ROBO1: variants seen among roughly 807,000 people sequenced by gnomAD.
ROBO1 encodes the protein roundabout homolog 1.
Under a neutral mutation model 195.9 loss-of-function variants are expected in ROBO1, and 149 were observed. That is an observed-to-expected ratio of 0.76 (90% CI 0.67 to 0.87). The LOEUF is 0.87. Ranked by LOEUF, ROBO1 falls within the 40% of genes least tolerant of loss-of-function variation. The pLI, the probability that ROBO1 is intolerant of heterozygous loss-of-function variation, is 0.00. For synonymous variants in ROBO1, 816 were observed against 733.2 expected (o/e 1.11, Z -1.82); for missense variants, 1,933 against 2,068.3 (o/e 0.93, Z 1.27).
At chr3:78,951,245 C>T (rs886583812) in intron 3 of ROBO1, among the ~76,000 whole-genome samples, 7 of 151,506 alleles carry the variant, frequency 4.6e-5, no homozygotes, top group African/African-American at 1.7e-4. Flanking sequence ...TGGTGTCTAC[C>T]TTCACTCTGT....
intron 2 of ROBO1, among the ~76,000 whole-genome samples, chr3:79,318,757 A>G (rs552435729): frequency 1.3e-5 from 2 of 152,302 alleles, no homozygotes; most frequent in Admixed American, 1.3e-4. Flanking sequence ...AATATACACA[A>G]ATGTATATAG....
chr3:78,786,443 ATTATT>A (rs912749371), intron 4 of ROBO1, among the ~76,000 whole-genome samples: 6 of 152,124 alleles, frequency 3.9e-5, no homozygotes, highest in African/African-American at 1.4e-4. Flanking sequence ...ATTTCAGATT[ATTATT>A]TTATTTAATC....
intron 2 of ROBO1, among the ~76,000 whole-genome samples, chr3:79,561,388 C>A (rs552325685): frequency 3.9e-5 from 6 of 152,238 alleles, no homozygotes; most frequent in Non-Finnish European, 7.4e-5. Context: ...GGAGCATGGG[C>A]AAGATGTTCT....
At chr3:79,029,903 T>G (rs2078263502) in intron 3 of ROBO1, among the ~76,000 whole-genome samples, 1 of 152,318 alleles carries the variant, frequency 6.6e-6, no homozygotes, top group East Asian at 1.9e-4. Flanking sequence ...CTGTCTCTTC[T>G]GTACATCTTG....
At chr3:78,812,722 A>G (rs2084779332) in intron 4 of ROBO1, among the ~76,000 whole-genome samples, 1 of 152,122 alleles carries the variant, frequency 6.6e-6, no homozygotes, top group Non-Finnish European at 1.5e-5. Flanking sequence ...CCCAGCACCT[A>G]GAATAGTGAC....
At chr3:78,643,570 C>T (rs1008730455) in intron 21 of ROBO1, among the ~76,000 whole-genome samples, 1 of 152,176 alleles carries the variant, frequency 6.6e-6, no homozygotes, top group East Asian at 1.9e-4. Context: ...TGGGGTGACA[C>T]AGTGGATTGT....
intron 1 of ROBO1, among the ~76,000 whole-genome samples, chr3:79,692,561 A>C (rs533653484): frequency 6.6e-6 from 1 of 151,930 alleles, no homozygotes; most frequent in South Asian, 2.1e-4. Flanking sequence ...TTCCAAAAGA[A>C]AGACACAGGA....
chr3:79,529,326 A>C (rs1293137677), intron 2 of ROBO1, among the ~76,000 whole-genome samples: 2 of 152,080 alleles, frequency 1.3e-5, no homozygotes, highest in East Asian at 3.9e-4. Flanking sequence ...TAAAAAATTA[A>C]ACAAAAAAAA....
chr3:79,060,694 C>T (rs891630623), intron 3 of ROBO1, among the ~76,000 whole-genome samples: 1 of 152,030 alleles, frequency 6.6e-6, no homozygotes, highest in Non-Finnish European at 1.5e-5. Flanking sequence ...GCTGGTTCAA[C>T]ATATGCAAAT....
chr3:79,484,029 T>C (rs994155388), intron 2 of ROBO1, among the ~76,000 whole-genome samples: 2 of 152,044 alleles, frequency 1.3e-5, no homozygotes, highest in Admixed American at 1.3e-4. Context: ...ATAACCACAA[T>C]AGAGAGGAAC....
intron 3 of ROBO1, among the ~76,000 whole-genome samples, chr3:79,062,283 CA>C (rs2078933379): frequency 6.6e-6 from 1 of 152,054 alleles, no homozygotes; most frequent in Admixed American, 6.6e-5. Flanking sequence ...AAATGCAAAT[CA>C]AAACCAAAAT....
chr3:79,310,754 T>C (rs1282314435), intron 2 of ROBO1, among the ~76,000 whole-genome samples: 1 of 151,830 alleles, frequency 6.6e-6, no homozygotes, highest in African/African-American at 2.4e-5. Context: ...ACAATAATTT[T>C]ACATTTAAAA....
chr3:79,064,443 A>G (rs1249261992), intron 3 of ROBO1, among the ~76,000 whole-genome samples: 1 of 151,958 alleles, frequency 6.6e-6, no homozygotes, highest in Non-Finnish European at 1.5e-5. Flanking sequence ...ACTGAATATA[A>G]CAAGTCTCTC....
chr3:79,143,910 T>G (rs919455686), intron 2 of ROBO1, among the ~76,000 whole-genome samples: 2 of 152,008 alleles, frequency 1.3e-5, no homozygotes, highest in Non-Finnish European at 2.9e-5. Flanking sequence ...ATATCCACAT[T>G]TTTGAGAATG....
chr3:79,627,774 C>T (rs562191714), intron 1 of ROBO1, among the ~76,000 whole-genome samples: 2 of 152,096 alleles, frequency 1.3e-5, no homozygotes, highest in South Asian at 2.1e-4. Context: ...TAATATCCAG[C>T]ATTTACAAGG....
intron 2 of ROBO1, among the ~76,000 whole-genome samples, chr3:79,401,685 G>A (rs1234978145): frequency 1.3e-5 from 2 of 151,778 alleles, no homozygotes; most frequent in Non-Finnish European, 3.0e-5. Context: ...AGAGATCAGT[G>A]TACTAACTAT....
intron 4 of ROBO1, among the ~76,000 whole-genome samples, chr3:78,784,938 A>C (rs1202727197): frequency 6.6e-6 from 1 of 152,202 alleles, no homozygotes; most frequent in Non-Finnish European, 1.5e-5. Context: ...TATAACACAA[A>C]AAGCATTACT....
At chr3:79,568,479 T>C (rs1943162174) in intron 2 of ROBO1, among the ~76,000 whole-genome samples, 1 of 92,956 alleles carries the variant, frequency 1.1e-5, no homozygotes, top group Admixed American at 9.6e-5. Context: ...TTTTCTACAT[T>C]GAAAAAAAAA....
intron 3 of ROBO1, among the ~76,000 whole-genome samples, chr3:78,963,512 T>C (rs1240855772): frequency 2.4e-5 from 3 of 126,124 alleles, no homozygotes; most frequent in Non-Finnish European, 4.8e-5. Context: ...TTTTTTTTTT[T>C]TTTTTTTTCT....
Sources: allele counts gnomAD v4.1 joint callset (sites outside exome capture counted in the v4.1 genomes callset), GRCh38; gene constraint gnomAD v4.1.1; transcripts MANE v1.5; gene names NCBI Gene and HGNC (gene_info 2026-07-23, HGNC 2026-07-21).